The following LGI4 variants were observed in gnomAD, a reference collection of about 807,000 sequenced individuals.
LGI4 encodes leucine-rich repeat LGI family member 4.
LGI4 carries 36 observed loss-of-function variants against 48.3 expected under a neutral mutation model. The observed-to-expected ratio is 0.75, with a 90% CI of 0.57 to 0.98. LGI4 has a LOEUF of 0.98. Among genes scored for constraint, LGI4 ranks in the 50% least tolerant of loss-of-function variants. The probability of loss-of-function intolerance (pLI) is 0.00; values close to 1 mark genes in which losing one functional copy is unlikely to be tolerated. For missense variants in LGI4, 701 were observed against 732.1 expected (o/e 0.96, Z 0.49); for synonymous variants, 355 against 331.6 (o/e 1.07, Z -0.77).
intron 2 of LGI4, 43 bp downstream of exon 2, chr19:35,133,990 C>T: frequency 6.5e-7 from 1 of 1,537,158 alleles, no homozygotes; most frequent in Non-Finnish European, 8.8e-7. Flanking sequence ...CATAAACGCA[C>T]ACTCCCTTGA....
At chr19:35,132,420 C>T (rs1222852427) in intron 3 of LGI4, among the ~76,000 whole-genome samples, 5 of 151,360 alleles carry the variant, frequency 3.3e-5, no homozygotes, top group Non-Finnish European at 7.4e-5. Flanking sequence ...GCCATTATCC[C>T]CAACACCATA....
Position 35,131,785 on chromosome 19 carries a change from T to A in LGI4, c.458+4A>T. The A allele has an allele frequency of 6.5e-7, 1 of 1,548,580 alleles. No homozygotes were observed. Among genetic ancestry groups the A allele is most frequent in the Non-Finnish European group, 8.8e-7 (1 of 1,141,746 alleles). On this transcript the variant is annotated splice_donor_region_variant and intron_variant, in intron 5 of 8. Transcript: ENST00000310123. Reference sequence around the variant, plus strand: ...CCCACATTCCCAGCCCCCATGAGCCTCACACATGAGTAAGGGTGTCCAGGC... The same window carrying A: ...CCCACATTCCCAGCCCCCATGAGCCACACACATGAGTAAGGGTGTCCAGGC...
chr19:35,125,529 G>A (rs767482410), intron 8 of LGI4, 22 bp from the exon 9 acceptor site: 3 of 1,509,480 alleles, frequency 2.0e-6, no homozygotes, highest in Non-Finnish European at 2.7e-6. Context: ...TGGCCAGTGA[G>A]GGCCTGGGGT....
intron 2 of LGI4, 89 bp downstream of exon 2, chr19:35,133,944 C>T (rs2065192174): frequency 3.6e-6 from 5 of 1,395,778 alleles, no homozygotes; most frequent in Non-Finnish European, 5.0e-6. Flanking sequence ...CAATGCCCAC[C>T]TGACATCTGT....
At position 35,126,377 on chromosome 19, in the gene LGI4, C is replaced by T. The variant is rs758115101; in HGVS notation, c.1192G>A (p.Glu398Lys). The change falls in exon 8 of 9, where the codon GAG (glutamate) becomes AAG (lysine). Residue 398 changes from glutamate (E) to lysine (K), a missense_variant. Around this residue, in one of 3 missense-constraint regions of LGI4, gnomAD observed 223 missense variants for 263.3 expected, o/e 0.85. Coordinates refer to ENST00000310123, the MANE Select transcript of LGI4 (RefSeq NM_139284.3). Reference protein sequence around the residue: ...VLFHWTGGRFERRTDIPEAED... With the variant: ...VLFHWTGGRFKRRTDIPEAED... ...GCCTCGGGGATGTCTGTGCGTCTCTCGAAGCGGCCACCGGTCCAGTGGAAG... is the reference window on the plus strand; with the variant it reads ...GCCTCGGGGATGTCTGTGCGTCTCTTGAAGCGGCCACCGGTCCAGTGGAAG... The T allele has an allele frequency of 4.3e-6, 7 of 1,611,094 alleles. No homozygotes were observed. In the East Asian group the frequency reaches 1.1e-4, roughly 26 times the overall value.
At chr19:35,132,138 T>G in intron 3 of LGI4, 96 bp from the exon 4 acceptor site, 1 of 1,002,192 alleles carries the variant, frequency 1.0e-6, no homozygotes, top group Non-Finnish European at 1.5e-6. Flanking sequence ...CTGAATTCTC[T>G]TCCAATACCA....
At chr19:35,130,956 C>G (rs1253559481) in intron 6 of LGI4, 2 of 444,400 alleles carry the variant, frequency 4.5e-6, no homozygotes, top group South Asian at 2.5e-5. Context: ...CCTCATCATT[C>G]TGTGCTCTCT....
At chr19:35,127,808 G>T (rs556982137) in intron 6 of LGI4, among the ~76,000 whole-genome samples, 5 of 152,106 alleles carry the variant, frequency 3.3e-5, no homozygotes. Flanking sequence ...TTTCCCCTTC[G>T]CAGATGAGAA....
chr19:35,125,587 T>C (rs977711184), intron 8 of LGI4, 80 bp from the exon 9 acceptor site: 1 of 1,248,034 alleles, frequency 8.0e-7, no homozygotes, highest in Admixed American at 2.3e-5. Flanking sequence ...CAGAAGCCTG[T>C]CGGTCCCAAA....
At position 35,132,036 on chromosome 19, in the gene LGI4, G is replaced by T. The variant is rs755901216; in HGVS notation, c.321C>A (p.Ile107=). The change falls in exon 4 of 9, where the codon ATC becomes ATA. Residue 107 remains isoleucine (I), a synonymous_variant. Coordinates refer to ENST00000310123, the MANE Select transcript of LGI4 (RefSeq NM_139284.3). ...AGATGGAGCCAATCTCATTGTCCTC[G>T]ATGAAGCTGTGGAGGGAAGCTGGGG... The part of the protein sequence containing the change: ...AGLSHLQYLF[I]EDNEIGSISK... The T allele has an allele frequency of 6.3e-7, 1 of 1,575,538 alleles. No individual in the cohort carries two copies. Among genetic ancestry groups the T allele is most frequent in the Non-Finnish European group, 8.6e-7 (1 of 1,159,910 alleles).
At position 35,134,722 on chromosome 19, in the gene LGI4, C is replaced by G. The variant is rs1346071852; in HGVS notation, c.-42G>C. 1.8e-6 allele frequency: 2 copies of G among 1,101,536 alleles called. No homozygotes were observed. Among genetic ancestry groups the G allele is most frequent in the Non-Finnish European group, 1.3e-6 (1 of 776,934 alleles). The allele number at this position is 1,101,536 out of a possible 1,614,324, so 68.2% of individuals were successfully genotyped here. On this transcript the variant is annotated 5_prime_UTR_variant, in exon 1 of 9. Coordinates refer to ENST00000310123, the MANE Select transcript of LGI4 (RefSeq NM_139284.3). Reference sequence around the variant, plus strand: ...TGAGGCACCCGCTTCTCCCGGCCCACCCAGCTCAGCCCAGGCCACTACGTC... The same window carrying G: ...TGAGGCACCCGCTTCTCCCGGCCCAGCCAGCTCAGCCCAGGCCACTACGTC...
In LGI4 at chr19:35,131,457, G is replaced by A. The variant is rs199663292; in HGVS notation, c.557C>T (p.Ala186Val). Reference protein sequence around the residue: ...VNASVGTGACAGPASLSHMQL... With the variant: ...VNASVGTGACVGPASLSHMQL... Reference sequence around the variant, plus strand: ...CATGTGGCTCAGGGAGGCGGGGCCCGCACAGGCGCCGGTCCCCACGCTGGC... The same window carrying A: ...CATGTGGCTCAGGGAGGCGGGGCCCACACAGGCGCCGGTCCCCACGCTGGC... The change falls in exon 6 of 9, where the codon GCG becomes GTG. Residue 186 changes from alanine to valine, a missense_variant. Transcript: ENST00000310123. The A allele has an allele frequency of 3.6e-5, 56 of 1,551,738 alleles. 1 individual carries two copies. The East Asian group carries it at 6.3e-4, about 18-fold the overall frequency.
rs778892124 is a variant in LGI4 at position 35,125,313 on chromosome 19, G to T, written c.1494C>A (p.Ala498=). 6.2e-7 allele frequency: 1 copy of T among 1,611,784 alleles called. No homozygotes were observed. The highest frequency in any genetic ancestry group is 8.5e-7 in the Non-Finnish European group (1 of 1,178,652). Residue 498 remains alanine, a synonymous_variant, in exon 9 of 9, where the codon GCC becomes GCA. Coordinates refer to ENST00000310123, the MANE Select transcript of LGI4 (RefSeq NM_139284.3). ...LEPLQELGPP[A]LVAPRAFAHI... The stretch of plus-strand genomic sequence containing the variant: ...GGGCAAAGGCACGGGGGGCCACCAG[G>T]GCCGGAGGCCCCAGCTCCTGCAGTG...
At chr19:35,127,936 G>A (rs552785653) in intron 6 of LGI4, among the ~76,000 whole-genome samples, 1 of 152,298 alleles carries the variant, frequency 6.6e-6, no homozygotes, top group East Asian at 1.9e-4. Flanking sequence ...GCATTATCCC[G>A]GGACCCCCAT....
chr19:35,131,454 C>T lies in LGI4; in HGVS notation c.560G>A (p.Gly187Asp), dbSNP rs765608929. ...NASVGTGACA[G>D]PASLSHMQLH... ...CTGCATGTGGCTCAGGGAGGCGGGG[C>T]CCGCACAGGCGCCGGTCCCCACGCT... Residue 187 changes from glycine (G) to aspartate (D), a missense_variant, in exon 6 of 9, where the codon GGC (glycine) becomes GAC (aspartate). By Grantham distance (94) the Gly-to-Asp change is moderately conservative. Coordinates refer to ENST00000310123, the MANE Select transcript of LGI4 (RefSeq NM_139284.3). 2.6e-5 allele frequency: 41 copies of T among 1,551,738 alleles called. No homozygotes were observed. The highest frequency in any genetic ancestry group is 1.7e-4 in the Middle Eastern group (1 of 6,012).
Position 35,126,616 on chromosome 19 carries a change from T to C in LGI4, c.953A>G (p.Asn318Ser), listed in dbSNP as rs1398767433. ...TLAPRRLLRP[N>S]DAELLWLEGQ... ...TTCCAGCCACAGGAGCTCGGCGTCA[T>C]TGGGCCGCAGCAGCCGCCGCGGGGC... The change falls in exon 8 of 9, where the codon AAT becomes AGT. Residue 318 changes from asparagine to serine, a missense_variant. By Grantham distance (46) the Asn-to-Ser change is conservative (BLOSUM62 1). This residue lies in a region of LGI4 where 462 missense variants were observed against 436.4 expected (regional missense o/e 1.06). Transcript: ENST00000310123. 2 of 1,541,834 alleles carry C rather than the reference T, an allele frequency of 1.3e-6. No individual in the cohort carries two copies. The highest frequency in any genetic ancestry group is 1.2e-5 in the South Asian group (1 of 84,406).
chr19:35,131,206 A>G (rs1051054805), intron 6 of LGI4, 180 bp downstream of exon 6: 10 of 753,444 alleles, frequency 1.3e-5, no homozygotes, highest in African/African-American at 1.2e-4. Context: ...GCACTCCTAT[A>G]TCACTGTTTA....
rs142079025 is a variant in LGI4, at chr19:35,126,869, G to T, written c.777C>A (p.Pro259=). The T allele has an allele frequency of 6.2e-7, 1 of 1,611,750 alleles. No homozygotes were observed. The highest frequency in any genetic ancestry group is 2.2e-5 in the East Asian group (1 of 44,830). ...SWDYSLQRFR[P]EEELPAASVV... Reference sequence around the variant, plus strand: ...GGGGCTCACCGGGCAGCTCTTCCTCGGGCCGGAAGCGCTGCAGGCTGTAGT... The same window carrying T: ...GGGGCTCACCGGGCAGCTCTTCCTCTGGCCGGAAGCGCTGCAGGCTGTAGT... The change falls in exon 7 of 9, where the codon CCC becomes CCA. Residue 259 remains proline, a synonymous_variant. Transcript: ENST00000310123.
In LGI4 at chr19:35,133,246, G is replaced by A. The variant is rs536898512; in HGVS notation, c.314+447C>T. 2.4e-5 allele frequency: 16 copies of A among 675,102 alleles called. No individual in the cohort carries two copies. The East Asian group carries it at 3.8e-4, about 16-fold the overall frequency. The allele number at this position is 675,102 out of a possible 1,614,324, so 41.8% of individuals were successfully genotyped here. A position where few individuals can be genotyped will look rare whatever the true frequency, so the allele number is the denominator to read the frequency against. ...GCATTGTCATGCTGTGACTGCCACC[G>A]CTGCCACCATCACCACCACTACCCA... On this transcript the variant is annotated intron_variant, in intron 3 of 8. Coordinates refer to ENST00000310123, the MANE Select transcript of LGI4 (RefSeq NM_139284.3).
Sources: allele counts gnomAD v4.1 joint callset (sites outside exome capture counted in the v4.1 genomes callset), GRCh38; gene constraint gnomAD v4.1.1; regional missense constraint gnomAD v4.1.1; transcripts MANE v1.5; gene names NCBI Gene and HGNC (gene_info 2026-07-23, HGNC 2026-07-21).